Variants in SLC24A2 observed in about 807,000 individuals in gnomAD.
SLC24A2 encodes the protein sodium/potassium/calcium exchanger 2.
SLC24A2 carries 36 observed loss-of-function variants against 62.0 expected under a neutral mutation model. The observed-to-expected ratio is 0.58, with a 90% CI of 0.44 to 0.77. The LOEUF is 0.77. SLC24A2 is among the 30% of genes least tolerant of loss of function. The probability of loss-of-function intolerance (pLI) is 0.00; values close to 1 mark genes in which losing one functional copy is unlikely to be tolerated. For synonymous variants in SLC24A2, 358 were observed against 294.0 expected (o/e 1.22, Z -2.23); for missense variants, 846 against 817.9 (o/e 1.03, Z -0.42).
At chr9:20,194,070 G>C in the SLC24A2 span, among the ~76,000 whole-genome samples, 1 of 151,974 alleles carries the variant, frequency 6.6e-6, no homozygotes, top group African/African-American at 2.4e-5. Flanking sequence ...CAGAGAAAAA[G>C]ATTGAGCTGG....
At chr9:20,104,396 G>A in the SLC24A2 span, among the ~76,000 whole-genome samples, 1 of 152,136 alleles carries the variant, frequency 6.6e-6, no homozygotes, top group Non-Finnish European at 1.5e-5. Context: ...ACACATAATT[G>A]TCAGATTCAC....
At chr9:20,244,378 C>G in the SLC24A2 span, among the ~76,000 whole-genome samples, 1 of 152,072 alleles carries the variant, frequency 6.6e-6, no homozygotes, top group Non-Finnish European at 1.5e-5. Context: ...AGAAAGACAG[C>G]CTTTAAGCCA....
the SLC24A2 span, among the ~76,000 whole-genome samples, chr9:19,827,828 G>C: frequency 6.6e-6 from 1 of 152,134 alleles, no homozygotes; most frequent in Non-Finnish European, 1.5e-5. Context: ...TGAGGGTTAA[G>C]CATCCTTCCC....
the SLC24A2 span, among the ~76,000 whole-genome samples, chr9:20,043,489 AT>A: frequency 6.6e-6 from 1 of 152,214 alleles, no homozygotes; most frequent in Non-Finnish European, 1.5e-5. Flanking sequence ...AGGATTCACT[AT>A]TCTGGATGCC....
the SLC24A2 span, among the ~76,000 whole-genome samples, chr9:20,003,917 C>G: frequency 6.8e-6 from 1 of 147,698 alleles, no homozygotes; most frequent in Middle Eastern, 3.5e-3. Flanking sequence ...AGGATAAAAA[C>G]TTGTGTGACC....
the SLC24A2 span, among the ~76,000 whole-genome samples, chr9:20,108,399 G>C: frequency 7.2e-5 from 11 of 151,808 alleles, no homozygotes; most frequent in Non-Finnish European, 1.2e-4. Context: ...ACATGCACAC[G>C]TATGTTTATT....
the SLC24A2 span, among the ~76,000 whole-genome samples, chr9:20,255,315 G>T: frequency 6.6e-6 from 1 of 152,080 alleles, no homozygotes; most frequent in Non-Finnish European, 1.5e-5. Flanking sequence ...TTTGCCATGG[G>T]GTGGCATTAA....
intron 2 of SLC24A2, among the ~76,000 whole-genome samples, chr9:19,716,237 T>C (rs1820856394): frequency 6.6e-6 from 1 of 152,218 alleles, no homozygotes; most frequent in Admixed American, 6.5e-5. Flanking sequence ...TCACCCCTAT[T>C]TAACTGCACC....
chr9:19,650,324 G>C (rs1818761836), intron 2 of SLC24A2, among the ~76,000 whole-genome samples: 5 of 152,176 alleles, frequency 3.3e-5, no homozygotes, highest in Admixed American at 3.3e-4. Context: ...AAATCATCCT[G>C]TCCACTGGGT....
the SLC24A2 span, among the ~76,000 whole-genome samples, chr9:20,261,771 G>A: frequency 2.4e-4 from 26 of 106,220 alleles, no homozygotes; most frequent in African/African-American, 8.9e-4. Context: ...ACTGAGTCTC[G>A]CTCTGTCACT....
the SLC24A2 span, among the ~76,000 whole-genome samples, chr9:20,111,638 G>A: frequency 7.9e-5 from 12 of 152,080 alleles, no homozygotes; most frequent in African/African-American, 2.7e-4. Flanking sequence ...GCCCCTCCTA[G>A]ACCTACTGAG....
At chr9:20,231,302 T>A in the SLC24A2 span, among the ~76,000 whole-genome samples, 1 of 152,228 alleles carries the variant, frequency 6.6e-6, no homozygotes, top group Non-Finnish European at 1.5e-5. Flanking sequence ...GGGATGGCAC[T>A]GAATCTATAA....
the SLC24A2 span, among the ~76,000 whole-genome samples, chr9:20,261,208 T>C: frequency 6.6e-6 from 1 of 152,106 alleles, no homozygotes; most frequent in Non-Finnish European, 1.5e-5. Context: ...CAACCACATA[T>C]GACTGAGAAC....
chr9:20,300,980 A>G, the SLC24A2 span, among the ~76,000 whole-genome samples: 1 of 152,204 alleles, frequency 6.6e-6, no homozygotes, highest in East Asian at 1.9e-4. Flanking sequence ...AACAGTGTCA[A>G]TCCATCCATT....
rs148348335 is a variant in SLC24A2, at chr9:19,561,892, C to G, written c.1347+11459G>C. ...ATGAGAAGGTTTCACTCAGTAATGGCCTCCTGAAAACAACTTAATCTTCTT... is the reference window on the plus strand; with the variant it reads ...ATGAGAAGGTTTCACTCAGTAATGGGCTCCTGAAAACAACTTAATCTTCTT... On this transcript the variant is annotated intron_variant, in intron 7 of 10. Transcript: ENST00000341998. 3.9e-5 allele frequency among the ~76,000 whole-genome samples: 6 copies of G among 152,238 alleles called. No individual in the cohort carries two copies. The East Asian group carries it at 1.2e-3, about 29-fold the overall frequency.
chr9:19,661,836 G>T (rs1819110690), intron 2 of SLC24A2, among the ~76,000 whole-genome samples: 1 of 152,196 alleles, frequency 6.6e-6, no homozygotes, highest in Non-Finnish European at 1.5e-5. Context: ...CCCTCAGGAA[G>T]CCTATCAACC....
At chr9:20,249,364 T>A in the SLC24A2 span, among the ~76,000 whole-genome samples, 1 of 152,158 alleles carries the variant, frequency 6.6e-6, no homozygotes, top group Non-Finnish European at 1.5e-5. Flanking sequence ...ATCTGTCATC[T>A]GGGGACAATA....
At chr9:20,137,366 A>G in the SLC24A2 span, among the ~76,000 whole-genome samples, 3 of 152,318 alleles carry the variant, frequency 2.0e-5, 1 homozygote, top group East Asian at 5.8e-4. Context: ...GGTCTAAGGA[A>G]TATACTCTGG....
chr9:20,063,448 C>T, the SLC24A2 span, among the ~76,000 whole-genome samples: 1 of 132,328 alleles, frequency 7.6e-6, no homozygotes, highest in Non-Finnish European at 1.5e-5. Context: ...ACAATGAGAA[C>T]ACATGGACAC....
Sources: gnomAD v4.1 joint callset for allele counts (sites outside exome capture counted in the v4.1 genomes callset) on GRCh38, gnomAD v4.1.1 for gene constraint, MANE v1.5 for transcripts, NCBI Gene and HGNC (gene_info 2026-07-23, HGNC 2026-07-21) for gene names.